The following EFCAB3 variants were observed in gnomAD, a reference collection of about 807,000 sequenced individuals.
EFCAB3 encodes the protein EF-hand calcium binding domain 3.
In EFCAB3, 36 loss-of-function variants were observed where a neutral mutation model predicts 42.2. That is an observed-to-expected ratio of 0.85 (90% CI 0.65 to 1.13). The LOEUF (loss-of-function observed/expected upper bound fraction) is 1.13. EFCAB3 is among the 50% of genes most tolerant of loss of function. The pLI is 0.00. For missense variants in EFCAB3, 418 were observed against 505.1 expected, an observed-to-expected ratio of 0.83 and a Z score of 1.65; for synonymous variants, 170 against 172.8, an observed-to-expected ratio of 0.98 and a Z score of 0.13.
chr17:62,380,774 T>C (rs988943085), intron 1 of EFCAB3, 161 bp downstream of exon 1: 1 of 216,542 alleles, frequency 4.6e-6, no homozygotes, highest in Non-Finnish European at 7.9e-6. Context: ...CATTCTGGTG[T>C]TCCCAGCTCT....
chr17:62,400,048 C>G (rs896151402), intron 6 of EFCAB3, among the ~76,000 whole-genome samples: 1 of 151,924 alleles, frequency 6.6e-6, no homozygotes, highest in Non-Finnish European at 1.5e-5. Flanking sequence ...CCTATTACCT[C>G]CATTTGTATA....
At chr17:62,408,255 G>A (rs566989758) in intron 8 of EFCAB3, among the ~76,000 whole-genome samples, 1 of 152,274 alleles carries the variant, frequency 6.6e-6, no homozygotes, top group Non-Finnish European at 1.5e-5. Flanking sequence ...TTGGAAGAAA[G>A]AATACTGTAA....
At chr17:62,378,607 G>A (rs1373177590), upstream of EFCAB3, among the ~76,000 whole-genome samples, 1 of 152,086 alleles carries the variant, frequency 6.6e-6, no homozygotes, top group South Asian at 2.1e-4. Flanking sequence ...AGGCTGAGTG[G>A]AAGGATCACT....
chr17:62,411,488 G>T (rs767007146), intron 8 of EFCAB3, among the ~76,000 whole-genome samples: 33 of 152,120 alleles, frequency 2.2e-4, no homozygotes, highest in Non-Finnish European at 4.1e-4. Context: ...GCAACCAGAG[G>T]CCAAGCACAG....
intron 2 of EFCAB3, among the ~76,000 whole-genome samples, chr17:62,384,237 C>T (rs1434882162): frequency 6.6e-6 from 1 of 152,158 alleles, no homozygotes; most frequent in Non-Finnish European, 1.5e-5. Flanking sequence ...TAAGGTTCTT[C>T]AGTCATTTGA....
Position 62,370,683 on chromosome 17 carries a change from T to C in EFCAB3, c.34+361T>C, listed in dbSNP as rs183999366. Among the ~76,000 whole-genome samples the C allele has an allele frequency of 5.0e-3, 754 of 152,036 alleles. 3 individuals are homozygous for C. The highest frequency in any genetic ancestry group is 6.5e-3 in the Non-Finnish European group (444 of 67,970). Reference sequence around the variant, plus strand: ...AAAAAAAAAAAGAAGAAGTGTACTTTTGTCATCCTGTACATAACATCCTCA... The same window carrying C: ...AAAAAAAAAAAGAAGAAGTGTACTTCTGTCATCCTGTACATAACATCCTCA... On this transcript the variant is annotated intron_variant, in intron 1 of 11. Coordinates refer to the EFCAB3 transcript ENST00000450662.
At chr17:62,384,488 A>G (rs2070231606) in intron 2 of EFCAB3, among the ~76,000 whole-genome samples, 2 of 152,116 alleles carry the variant, frequency 1.3e-5, no homozygotes, top group Admixed American at 1.3e-4. Flanking sequence ...GGTGGTGCAC[A>G]CTTGTAGTCC....
At chr17:62,385,239 T>C (rs972828699) in intron 2 of EFCAB3, among the ~76,000 whole-genome samples, 3 of 152,108 alleles carry the variant, frequency 2.0e-5, no homozygotes, top group African/African-American at 7.2e-5. Context: ...AGCCCAGGTG[T>C]TCAAGACCAG....
chr17:62,414,579 TGTTTTG>T lies in EFCAB3; in HGVS notation c.990+726_990+731del, dbSNP rs573261987. ...TCTGTATCTCAGGTGTTTGTTTGTT[TGTTTTG>T]TGTGTGTGTGTGTGTGTGTGTGTGT... is the stretch of plus-strand genomic sequence containing the variant. On this transcript the variant is annotated intron_variant, in intron 9 of 9. Coordinates refer to ENST00000305286, the MANE Select transcript of EFCAB3 (RefSeq NM_173503.4). Among the ~76,000 whole-genome samples the T allele has an allele frequency of 0.016, 1,210 of 75,890 alleles. 49 individuals carry two copies. The East Asian group carries it at 0.24, about 15-fold the overall frequency. 49.8% of individuals were successfully genotyped at this position (75,890 alleles called of 152,430 possible).
At chr17:62,394,964 T>TA in intron 5 of EFCAB3, 104 bp from the exon 6 acceptor site, 1 of 1,440,216 alleles carries the variant, frequency 6.9e-7, no homozygotes, top group Non-Finnish European at 9.4e-7. Flanking sequence ...ACTGTACCTC[T>TA]AGTTCCTGAC....
intron 3 of EFCAB3, among the ~76,000 whole-genome samples, chr17:62,388,318 C>T (rs575215287): frequency 2.0e-5 from 3 of 152,262 alleles, no homozygotes; most frequent in South Asian, 4.1e-4. Context: ...GGAAAGCCTC[C>T]TAATTTGGTC....
chr17:62,375,289 C>T (rs9912556), intron 2 of EFCAB3, among the ~76,000 whole-genome samples: 100,796 of 152,004 alleles, frequency 0.66, 33,829 homozygotes, highest in Admixed American at 0.77. Context: ...TTTTAATAAG[C>T]CCAGTCTATC....
intron 6 of EFCAB3, among the ~76,000 whole-genome samples, chr17:62,396,389 C>T (rs965831974): frequency 5.3e-5 from 8 of 151,956 alleles, no homozygotes; most frequent in Non-Finnish European, 8.8e-5. Context: ...CCTGTCTCTA[C>T]TAAAAATACA....
intron 2 of EFCAB3, among the ~76,000 whole-genome samples, chr17:62,386,203 T>C (rs1035640474): frequency 1.3e-5 from 2 of 152,132 alleles, no homozygotes; most frequent in Non-Finnish European, 2.9e-5. Flanking sequence ...TAAATTTTAT[T>C]TATCATATTA....
rs1191758713 is a variant in EFCAB3 at position 62,411,928 on chromosome 17, G to T, written c.868-1804G>T. ...AGGGAGGGAGGGAGGAAGACAGACA[G>T]AAAAAATAAATAACTTACAAAGGAA... is the stretch of plus-strand genomic sequence containing the variant. On this transcript the variant is annotated intron_variant, in intron 8 of 9. Transcript: ENST00000305286. Among the ~76,000 whole-genome samples the T allele has an allele frequency of 2.0e-5, 3 of 151,052 alleles. 1 individual carries two copies. Among genetic ancestry groups the T allele is most frequent in the South Asian group, 4.2e-4 (2 of 4,788 alleles).
chr17:62,398,861 C>T lies in EFCAB3; in HGVS notation c.488+3673C>T, dbSNP rs537112953. 1.1e-4 allele frequency among the ~76,000 whole-genome samples: 17 copies of T among 152,212 alleles called. No individual in the cohort carries two copies. The East Asian group carries it at 3.1e-3, about 28-fold the overall frequency. On this transcript the variant is annotated intron_variant, in intron 6 of 9. Coordinates refer to ENST00000305286, the MANE Select transcript of EFCAB3 (RefSeq NM_173503.4). Reference sequence around the variant, plus strand: ...ATAATTATTTAATTTCCTGAGAAAGCAGGTCTTGATTTGGTTAATGGTAGA... The same window carrying T: ...ATAATTATTTAATTTCCTGAGAAAGTAGGTCTTGATTTGGTTAATGGTAGA...
chr17:62,396,372 G>A (rs1461628461), intron 6 of EFCAB3, among the ~76,000 whole-genome samples: 1 of 152,060 alleles, frequency 6.6e-6, no homozygotes, highest in Non-Finnish European at 1.5e-5. Context: ...GGCCAACATG[G>A]TGAAACCCTG....
intron 3 of EFCAB3, among the ~76,000 whole-genome samples, chr17:62,390,548 G>A (rs1269473638): frequency 6.6e-6 from 1 of 152,096 alleles, no homozygotes; most frequent in African/African-American, 2.4e-5. Flanking sequence ...TTTATATGAA[G>A]GCACAGATCT....
At chr17:62,379,701 T>C (rs1368952516), upstream of EFCAB3, among the ~76,000 whole-genome samples, 5 of 152,176 alleles carry the variant, frequency 3.3e-5, no homozygotes, top group Non-Finnish European at 7.3e-5. Context: ...AAGCCTTGGG[T>C]GCCAGAGATA....
Sources: gnomAD v4.1 joint callset for allele counts (sites outside exome capture counted in the v4.1 genomes callset) on GRCh38, gnomAD v4.1.1 for gene constraint, MANE v1.5 for transcripts, NCBI Gene and HGNC (gene_info 2026-07-23, HGNC 2026-07-21) for gene names.